The following LHFPL6 variants were observed in gnomAD, a reference collection of about 807,000 sequenced individuals.
LHFPL6 encodes LHFPL tetraspan subfamily member 6.
LHFPL6 carries 9 observed loss-of-function variants against 20.6 expected under a neutral mutation model. That is an observed-to-expected ratio of 0.44 (90% CI 0.26 to 0.76). The LOEUF (loss-of-function observed/expected upper bound fraction) is 0.76, where lower values mean the gene tolerates loss of function less well. Among genes scored for constraint, LHFPL6 ranks in the 30% least tolerant of loss-of-function variants. LHFPL6 has a pLI of 0.20. For synonymous variants in LHFPL6, 105 were observed against 98.7 expected, an observed-to-expected ratio of 1.06 and a Z score of -0.38; for missense variants, 218 against 253.5, an observed-to-expected ratio of 0.86 and a Z score of 0.95.
At chr13:39,481,280 T>C (rs1322317269) in intron 2 of LHFPL6, among the ~76,000 whole-genome samples, 1 of 152,224 alleles carries the variant, frequency 6.6e-6, no homozygotes, top group East Asian at 1.9e-4. Flanking sequence ...TACTTCAAAC[T>C]GTTTATTTCA....
intron 2 of LHFPL6, among the ~76,000 whole-genome samples, chr13:39,569,091 G>T (rs1285941792): frequency 6.6e-6 from 1 of 152,002 alleles, no homozygotes; most frequent in Non-Finnish European, 1.5e-5. Context: ...TTTGGCCTTA[G>T]CTCAGTTTCT....
At chr13:39,596,396 G>C (rs1380283443) in intron 2 of LHFPL6, among the ~76,000 whole-genome samples, 5 of 152,054 alleles carry the variant, frequency 3.3e-5, no homozygotes, top group Admixed American at 1.3e-4. Flanking sequence ...TGGTTTTCAA[G>C]GTGTCATCTC....
At chr13:39,561,229 C>T (rs912649323) in intron 2 of LHFPL6, among the ~76,000 whole-genome samples, 3 of 151,996 alleles carry the variant, frequency 2.0e-5, no homozygotes, top group Non-Finnish European at 4.4e-5. Flanking sequence ...GCCAGTAGAG[C>T]AGTACTCACC....
intron 2 of LHFPL6, among the ~76,000 whole-genome samples, chr13:39,579,743 T>C (rs1872221953): frequency 6.6e-6 from 1 of 152,158 alleles, no homozygotes; most frequent in Non-Finnish European, 1.5e-5. Flanking sequence ...CACTTCAACA[T>C]ACACCTGCAA....
At chr13:39,531,290 C>T (rs1366536727) in intron 2 of LHFPL6, among the ~76,000 whole-genome samples, 3 of 152,102 alleles carry the variant, frequency 2.0e-5, no homozygotes, top group Admixed American at 6.5e-5. Flanking sequence ...ACAGAAAAAT[C>T]GGCTGTGCTG....
chr13:39,532,307 G>T (rs1870491361), intron 2 of LHFPL6, among the ~76,000 whole-genome samples: 1 of 151,982 alleles, frequency 6.6e-6, no homozygotes, highest in Admixed American at 6.6e-5. Context: ...CCACAAAACA[G>T]CCCCAACTGA....
intron 3 of LHFPL6, among the ~76,000 whole-genome samples, chr13:39,351,229 T>A (rs1017000739): frequency 6.6e-6 from 1 of 152,220 alleles, no homozygotes; most frequent in African/African-American, 2.4e-5. Context: ...ACAGCTGTCA[T>A]ATATAGACAG....
At chr13:39,470,192 G>A in intron 2 of LHFPL6, among the ~76,000 whole-genome samples, 1 of 152,076 alleles carries the variant, frequency 6.6e-6, no homozygotes. Context: ...ATGGTCAAGA[G>A]GAACTCTTCT....
chr13:39,452,049 T>C (rs137984569), intron 2 of LHFPL6, among the ~76,000 whole-genome samples: 33 of 151,960 alleles, frequency 2.2e-4, no homozygotes, highest in African/African-American at 7.7e-4. Context: ...AACCTTACAC[T>C]TTAAAGGAAC....
chr13:39,571,817 C>T (rs1871925049), intron 2 of LHFPL6, among the ~76,000 whole-genome samples: 1 of 152,252 alleles, frequency 6.6e-6, no homozygotes, highest in South Asian at 2.1e-4. Context: ...GGGGCGCCAC[C>T]ACATTCCCCT....
intron 2 of LHFPL6, among the ~76,000 whole-genome samples, chr13:39,459,401 A>T (rs2138427489): frequency 6.6e-6 from 1 of 151,672 alleles, no homozygotes; most frequent in African/African-American, 2.4e-5. Context: ...TCTCCCTTCC[A>T]ACAAACCTGA....
chr13:39,572,768 A>G (rs1871974480), intron 2 of LHFPL6, among the ~76,000 whole-genome samples: 1 of 152,172 alleles, frequency 6.6e-6, no homozygotes, highest in Non-Finnish European at 1.5e-5. Flanking sequence ...CTGAGTTTGC[A>G]TACCCAAGCC....
At chr13:39,522,309 C>T (rs954593040) in intron 2 of LHFPL6, among the ~76,000 whole-genome samples, 17 of 152,222 alleles carry the variant, frequency 1.1e-4, no homozygotes, top group Non-Finnish European at 1.2e-4. Context: ...ACCTAAGGTA[C>T]CTAAGATTAC....
At chr13:39,541,344 CA>C (rs1475051891) in intron 2 of LHFPL6, among the ~76,000 whole-genome samples, 1 of 152,148 alleles carries the variant, frequency 6.6e-6, no homozygotes, top group African/African-American at 2.4e-5. Context: ...AAAAAATAAG[CA>C]AAACTCAATT....
intron 2 of LHFPL6, among the ~76,000 whole-genome samples, chr13:39,419,915 T>G (rs1871437510): frequency 1.3e-5 from 2 of 152,198 alleles, no homozygotes; most frequent in Admixed American, 1.3e-4. Flanking sequence ...ATAAGATACA[T>G]ATTTCTTTTA....
At chr13:39,429,456 T>C (rs77117973) in intron 2 of LHFPL6, among the ~76,000 whole-genome samples, 3,947 of 152,236 alleles carry the variant, frequency 0.026, 155 homozygotes, top group African/African-American at 0.087. Flanking sequence ...GCATGGTATA[T>C]CTTTTTCCAT....
At chr13:39,484,442 T>C (rs1868646525) in intron 2 of LHFPL6, among the ~76,000 whole-genome samples, 1 of 152,156 alleles carries the variant, frequency 6.6e-6, no homozygotes, top group African/African-American at 2.4e-5. Context: ...ACTCTTTTTT[T>C]CAATAAACAT....
intron 2 of LHFPL6, among the ~76,000 whole-genome samples, chr13:39,436,134 T>G (rs930085083): frequency 6.6e-6 from 1 of 152,018 alleles, no homozygotes; most frequent in Non-Finnish European, 1.5e-5. Flanking sequence ...TTGTTAAGCA[T>G]GTAAAGAAAG....
At chr13:39,468,362 C>G (rs1029315478) in intron 2 of LHFPL6, among the ~76,000 whole-genome samples, 1 of 151,932 alleles carries the variant, frequency 6.6e-6, no homozygotes, top group East Asian at 1.9e-4. Context: ...ATGCATTTTT[C>G]CTGGCTTTAA....
Sources: gnomAD v4.1 joint callset for allele counts (sites outside exome capture counted in the v4.1 genomes callset) on GRCh38, gnomAD v4.1.1 for gene constraint, MANE v1.5 for transcripts, NCBI Gene and HGNC (gene_info 2026-07-23, HGNC 2026-07-21) for gene names.